SORCS3: variants seen among roughly 807,000 people sequenced by gnomAD.
SORCS3 encodes sortilin related VPS10 domain containing receptor 3, also known as VPS10 domain-containing receptor SorCS3.
SORCS3 carries 57 observed loss-of-function variants against 146.3 expected under a neutral mutation model. The observed-to-expected ratio is 0.39, with a 90% confidence interval of 0.31 to 0.49. SORCS3 has a LOEUF of 0.49. Among genes scored for constraint, SORCS3 ranks in the 20% least tolerant of loss-of-function variants. The pLI, the probability that SORCS3 is intolerant of heterozygous loss-of-function variation, is 0.92. For missense variants in SORCS3, 1,341 were observed against 1,575.5 expected (o/e 0.85, Z 2.52); for synonymous variants, 653 against 618.5 (o/e 1.06, Z -0.83).
At chr10:105,129,603 A>G (rs551302126) in intron 7 of SORCS3, among the ~76,000 whole-genome samples, 44 of 151,804 alleles carry the variant, frequency 2.9e-4, no homozygotes, top group Admixed American at 2.9e-3. Flanking sequence ...ATGATAATTC[A>G]AGTTCGTATC....
intron 3 of SORCS3, among the ~76,000 whole-genome samples, chr10:104,929,163 A>G (rs1182107549): frequency 6.6e-6 from 1 of 152,218 alleles, no homozygotes; most frequent in East Asian, 1.9e-4. Flanking sequence ...TGACTTCTCT[A>G]AGCCTTAGTT....
chr10:105,016,301 C>A (rs1219515172), intron 4 of SORCS3, among the ~76,000 whole-genome samples: 1 of 150,946 alleles, frequency 6.6e-6, no homozygotes, highest in Non-Finnish European at 1.5e-5. Flanking sequence ...CAGGCACACA[C>A]CACCACGCCC....
intron 3 of SORCS3, 111 bp from the exon 4 acceptor site, chr10:104,977,224 C>G (rs2054904382): frequency 1.3e-6 from 1 of 773,074 alleles, no homozygotes; most frequent in Non-Finnish European, 1.8e-6. Flanking sequence ...CCCAGATGCT[C>G]CTTTATGTGC....
chr10:104,656,725 G>A (rs1344597380), intron 1 of SORCS3, among the ~76,000 whole-genome samples: 3 of 152,070 alleles, frequency 2.0e-5, no homozygotes, highest in Non-Finnish European at 4.4e-5. Context: ...TTTATAGTAG[G>A]AGAGTGATAA....
intron 1 of SORCS3, among the ~76,000 whole-genome samples, chr10:104,802,420 G>A (rs1293069138): frequency 6.6e-6 from 1 of 152,170 alleles, no homozygotes; most frequent in African/African-American, 2.4e-5. Context: ...CTGAACTGAT[G>A]GATCTCTTTG....
Position 105,256,562 on chromosome 10 carries a change from G to A in SORCS3, c.3338-257G>A, listed in dbSNP as rs2306655. 4.2e-3 allele frequency among the ~76,000 whole-genome samples: 639 copies of A among 152,310 alleles called. 23 individuals are homozygous for A. In the East Asian group the frequency reaches 0.052, roughly 12 times the overall value. On this transcript the variant is annotated intron_variant, in intron 24 of 26. Transcript: ENST00000369701. ...TTCCACTCCCCTGAGCTGGACATAC[G>A]TTGTTCAATTTATACCAAGAACTAG...
chr10:104,734,887 A>G (rs1356806607), intron 1 of SORCS3, among the ~76,000 whole-genome samples: 1 of 152,202 alleles, frequency 6.6e-6, no homozygotes, highest in East Asian at 1.9e-4. Flanking sequence ...CTGACCTCCT[A>G]CATGTGATGG....
At chr10:104,928,665 T>C (rs2019175477) in intron 3 of SORCS3, among the ~76,000 whole-genome samples, 1 of 152,076 alleles carries the variant, frequency 6.6e-6, no homozygotes, top group Non-Finnish European at 1.5e-5. Flanking sequence ...CTGGTGAGCG[T>C]GTCTGGGCAA....
chr10:105,161,607 T>C (rs1319241179), intron 11 of SORCS3, among the ~76,000 whole-genome samples: 1 of 152,134 alleles, frequency 6.6e-6, no homozygotes, highest in Non-Finnish European at 1.5e-5. Flanking sequence ...GCAATTGCCT[T>C]TTGCAAGCAG....
At chr10:105,260,603 C>A (rs1437065676) in intron 25 of SORCS3, among the ~76,000 whole-genome samples, 1 of 152,110 alleles carries the variant, frequency 6.6e-6, no homozygotes, top group Non-Finnish European at 1.5e-5. Flanking sequence ...TAATTAGAAG[C>A]AACTAAGTGT....
At chr10:105,119,523 A>G (rs2055916523) in intron 7 of SORCS3, among the ~76,000 whole-genome samples, 1 of 152,158 alleles carries the variant, frequency 6.6e-6, no homozygotes, top group Admixed American at 6.5e-5. Context: ...TGCCTGGAAA[A>G]GTCACAGACA....
chr10:104,873,479 G>T (rs939896721), intron 2 of SORCS3, among the ~76,000 whole-genome samples: 1 of 152,152 alleles, frequency 6.6e-6, no homozygotes, highest in African/African-American at 2.4e-5. Context: ...TCAGAAGAAG[G>T]ACTGTTATAC....
rs1336621771 is a variant in SORCS3 at position 105,232,967 on chromosome 10, A to G, written c.2868+9718A>G. Among the ~76,000 whole-genome samples the G allele has an allele frequency of 2.0e-5, 3 of 152,176 alleles. No individual in the cohort carries two copies. The South Asian group carries it at 6.2e-4, about 32-fold the overall frequency. On this transcript the variant is annotated intron_variant, in intron 20 of 26. Coordinates refer to ENST00000369701, the MANE Select transcript of SORCS3 (RefSeq NM_014978.3). ...TGTGGTCTAGTTCAGTGGATGTTCTATTTGGGCTTTAGAAGAATGTGTATT... is the reference window on the plus strand; with the variant it reads ...TGTGGTCTAGTTCAGTGGATGTTCTGTTTGGGCTTTAGAAGAATGTGTATT...
intron 1 of SORCS3, among the ~76,000 whole-genome samples, chr10:104,834,070 T>A (rs1206656488): frequency 1.3e-5 from 2 of 152,186 alleles, no homozygotes; most frequent in Non-Finnish European, 2.9e-5. Context: ...CTTTAAAATA[T>A]ATTTAGATCC....
chr10:104,975,848 G>A (rs1474528520), intron 3 of SORCS3, among the ~76,000 whole-genome samples: 5 of 152,164 alleles, frequency 3.3e-5, no homozygotes, highest in African/African-American at 7.2e-5. Context: ...CGGGAAAACC[G>A]GCTAGCCATA....
chr10:104,947,991 A>AT (rs1362598908), intron 3 of SORCS3, among the ~76,000 whole-genome samples: 2 of 152,198 alleles, frequency 1.3e-5, no homozygotes, highest in Non-Finnish European at 2.9e-5. Flanking sequence ...TGCCAGCACT[A>AT]TTTTTGTCAT....
intron 20 of SORCS3, among the ~76,000 whole-genome samples, chr10:105,239,035 T>G (rs2056808927): frequency 6.6e-6 from 1 of 152,154 alleles, no homozygotes; most frequent in African/African-American, 2.4e-5. Context: ...TATTCTTTAA[T>G]AGCATCCATA....
chr10:104,857,432 A>G (rs2018346794), intron 2 of SORCS3, among the ~76,000 whole-genome samples: 1 of 152,182 alleles, frequency 6.6e-6, no homozygotes, highest in Admixed American at 6.5e-5. Context: ...AATAGTTTGC[A>G]CAATGTTATG....
In SORCS3 at chr10:104,730,460, G is replaced by A. The variant is rs577345187; in HGVS notation, c.627+88506G>A. On this transcript the variant is annotated intron_variant, in intron 1 of 26. Coordinates refer to ENST00000369701, the MANE Select transcript of SORCS3 (RefSeq NM_014978.3). Reference sequence around the variant, plus strand: ...GTGAATGGAGGGCTCCATCTGGGTTGATTCCTAGGAGCTGTCAGTGTAAGT... The same window carrying A: ...GTGAATGGAGGGCTCCATCTGGGTTAATTCCTAGGAGCTGTCAGTGTAAGT... Among the ~76,000 whole-genome samples the A allele has an allele frequency of 3.9e-5, 6 of 152,304 alleles. No individual in the cohort carries two copies. In the South Asian group the frequency reaches 6.2e-4, roughly 16 times the overall value.
Sources: gnomAD v4.1 joint callset for allele counts (sites outside exome capture counted in the v4.1 genomes callset) on GRCh38, gnomAD v4.1.1 for gene constraint, MANE v1.5 for transcripts, NCBI Gene and HGNC (gene_info 2026-07-23, HGNC 2026-07-21) for gene names.